The following WWP1 variants were observed in gnomAD, a reference collection of about 807,000 sequenced individuals.
WWP1 encodes the protein NEDD4-like E3 ubiquitin-protein ligase WWP1.
In WWP1, 49 loss-of-function variants were observed where a neutral mutation model predicts 130.6. The ratio of observed to expected loss-of-function variants is 0.38; its 90% CI spans 0.30 to 0.48. The LOEUF (loss-of-function observed/expected upper bound fraction) is 0.48, where lower values mean the gene tolerates loss of function less well. WWP1 is among the 20% of genes least tolerant of loss of function. The probability of loss-of-function intolerance (pLI) is 0.99; values close to 1 mark genes in which losing one functional copy is unlikely to be tolerated. For synonymous variants in WWP1, 332 were observed against 367.8 expected (o/e 0.90, Z 1.11); for missense variants, 809 against 1,100.6 (o/e 0.74, Z 3.75).
At chr8:86,433,394 T>G (rs1423027438) in intron 14 of WWP1, among the ~76,000 whole-genome samples, 1 of 152,028 alleles carries the variant, frequency 6.6e-6, no homozygotes, top group African/African-American at 2.4e-5. Flanking sequence ...TCTCCACTTG[T>G]AACTCCTTCT....
At chr8:86,392,878 G>A (rs1807434689) in intron 5 of WWP1, among the ~76,000 whole-genome samples, 1 of 152,060 alleles carries the variant, frequency 6.6e-6, no homozygotes, top group East Asian at 1.9e-4. Flanking sequence ...ATTACTGGGA[G>A]GTAAAAGGGA....
intron 5 of WWP1, among the ~76,000 whole-genome samples, chr8:86,394,619 A>G (rs1024304865): frequency 6.6e-6 from 1 of 152,170 alleles, no homozygotes; most frequent in African/African-American, 2.4e-5. Context: ...TTCCCCATCT[A>G]CAGTGCCTGG....
chr8:86,458,766 T>C (rs1262552919), intron 22 of WWP1, among the ~76,000 whole-genome samples: 4 of 152,198 alleles, frequency 2.6e-5, no homozygotes, highest in Non-Finnish European at 1.5e-5. Context: ...TTGCATCTTT[T>C]CATAAGGATG....
chr8:86,378,332 T>G (rs1323106353), intron 3 of WWP1, among the ~76,000 whole-genome samples: 1 of 152,160 alleles, frequency 6.6e-6, no homozygotes, highest in African/African-American at 2.4e-5. Context: ...CATATCATTT[T>G]TTTTAAGCCT....
At chr8:86,453,648 C>T (rs1811290151) in intron 21 of WWP1, among the ~76,000 whole-genome samples, 1 of 152,104 alleles carries the variant, frequency 6.6e-6, no homozygotes, top group Non-Finnish European at 1.5e-5. Context: ...ATTTTACATT[C>T]CTATTAAACA....
At chr8:86,382,934 G>T (rs962249047) in intron 5 of WWP1, among the ~76,000 whole-genome samples, 11 of 152,190 alleles carry the variant, frequency 7.2e-5, no homozygotes, top group African/African-American at 2.4e-4. Context: ...ATGAAATGCT[G>T]ATGATGAAAA....
At chr8:86,407,698 G>T (rs1318040223) in intron 8 of WWP1, among the ~76,000 whole-genome samples, 2 of 152,122 alleles carry the variant, frequency 1.3e-5, no homozygotes, top group Non-Finnish European at 2.9e-5. Context: ...TTATTGAATA[G>T]AAATAATTTG....
chr8:86,387,728 T>C (rs1166449268), intron 5 of WWP1, among the ~76,000 whole-genome samples: 3 of 152,148 alleles, frequency 2.0e-5, no homozygotes, highest in Non-Finnish European at 4.4e-5. Flanking sequence ...TTCACCATGT[T>C]AGCCAGACTG....
In WWP1 at chr8:86,444,991, G is replaced by A. The variant is rs150447303; in HGVS notation, c.1998+2213G>A. Among the ~76,000 whole-genome samples the A allele has an allele frequency of 9.9e-3, 1,506 of 152,186 alleles. 28 individuals are homozygous for A. The highest frequency in any genetic ancestry group is 0.035 in the African/African-American group (1,435 of 41,528). ...GTACAAGAAGCATGGTGCCAGCATC[G>A]TCTTCTGGTGAGGGCCTCAGGCTGC... On this transcript the variant is annotated intron_variant, in intron 18 of 24. Coordinates refer to ENST00000517970, the MANE Select transcript of WWP1 (RefSeq NM_007013.4).
intron 9 of WWP1, among the ~76,000 whole-genome samples, chr8:86,414,018 C>G (rs181609283): frequency 1.6e-4 from 25 of 152,268 alleles, no homozygotes; most frequent in Admixed American, 2.6e-4. Context: ...AATGCTTCAG[C>G]AGACTTGTTG....
intron 1 of WWP1, among the ~76,000 whole-genome samples, chr8:86,347,550 C>A (rs570729517): frequency 6.6e-6 from 1 of 152,262 alleles, no homozygotes; most frequent in South Asian, 2.1e-4. Flanking sequence ...GTAAACTTGT[C>A]AGTTTTTTCC....
At chr8:86,446,132 C>G (rs1810861169) in intron 18 of WWP1, among the ~76,000 whole-genome samples, 2 of 148,832 alleles carry the variant, frequency 1.3e-5, no homozygotes, top group South Asian at 4.2e-4. Context: ...CAGGCACGCA[C>G]CACCACACTC....
intron 14 of WWP1, among the ~76,000 whole-genome samples, chr8:86,435,049 T>C (rs1810213670): frequency 6.6e-6 from 1 of 152,230 alleles, no homozygotes; most frequent in African/African-American, 2.4e-5. Flanking sequence ...GCTTTGCTTA[T>C]TATCTCCAGG....
intron 11 of WWP1, 39 bp downstream of exon 11, chr8:86,427,856 C>T: frequency 3.9e-6 from 6 of 1,557,632 alleles, no homozygotes; most frequent in Non-Finnish European, 5.2e-6. Flanking sequence ...TAACTTCCTC[C>T]CTCAGGTGTT....
rs934394916 is a variant in WWP1 at position 86,438,527 on chromosome 8, T to C, written c.1750-58T>C. 4.6e-6 allele frequency: 6 copies of C among 1,292,220 alleles called. No homozygotes were observed. In the Admixed American group the frequency reaches 1.0e-4, roughly 22 times the overall value. The allele number at this position is 1,292,220 out of a possible 1,614,324, so 80.0% of individuals were successfully genotyped here. A position where few individuals can be genotyped will look rare whatever the true frequency, so the allele number is the denominator to read the frequency against. On this transcript the variant is annotated intron_variant, in intron 16 of 24. Coordinates refer to ENST00000517970, the MANE Select transcript of WWP1 (RefSeq NM_007013.4). Reference sequence around the variant, plus strand: ...AATAGAGATTAAATTTAAATTGTTTTGAAAGGAACTTGTACTGCATGTGAG... The same window carrying C: ...AATAGAGATTAAATTTAAATTGTTTCGAAAGGAACTTGTACTGCATGTGAG...
At chr8:86,445,413 T>C (rs941462433) in intron 18 of WWP1, among the ~76,000 whole-genome samples, 1 of 152,168 alleles carries the variant, frequency 6.6e-6, no homozygotes, top group Non-Finnish European at 1.5e-5. Flanking sequence ...TGCCCAATGC[T>C]GAGCTCCCAC....
Position 86,411,525 on chromosome 8 carries a change from T to G in WWP1, c.725-13T>G. On this transcript the variant is annotated splice_polypyrimidine_tract_variant and intron_variant, in intron 8 of 24. Transcript: ENST00000517970. ...TTACTTGATAGATGATTTTATTAAT[T>G]TTCCCTTCTCAGTTAATGGAGAATC... 7 of 1,599,616 alleles carry G rather than the reference T, an allele frequency of 4.4e-6. No homozygotes were observed. The highest frequency in any genetic ancestry group is 6.0e-6 in the Non-Finnish European group (7 of 1,171,084).
At chr8:86,375,683 A>C (rs978947740) in intron 3 of WWP1, among the ~76,000 whole-genome samples, 5 of 152,194 alleles carry the variant, frequency 3.3e-5, no homozygotes, top group Non-Finnish European at 7.3e-5. Context: ...TTTGCTGGAC[A>C]TTGGCGTTCC....
Position 86,411,732 on chromosome 8 carries a change from G to A in WWP1, c.919G>A (p.Ala307Thr), listed in dbSNP as rs1384180607. ...PSTSAELESE[A>T]RSILEPDTSN... ...TACCAGTGCAGAATTGGAATCTGAA[G>A]CTAGAAGTATATTAGAGCCTGACAC... is the stretch of plus-strand genomic sequence containing the variant. Residue 307 changes from alanine (A) to threonine (T), a missense_variant, in exon 9 of 25, where the codon GCT becomes ACT. By Grantham distance (58) the Ala-to-Thr change is moderately conservative (BLOSUM62 0). Around this residue, in one of 3 missense-constraint regions of WWP1, gnomAD observed 97 missense variants for 80.4 expected, o/e 1.21. Transcript: ENST00000517970. 2.5e-6 allele frequency: 4 copies of A among 1,614,170 alleles called. No individual in the cohort carries two copies. The highest frequency in any genetic ancestry group is 3.4e-6 in the Non-Finnish European group (4 of 1,180,030).
Sources: allele counts gnomAD v4.1 joint callset (sites outside exome capture counted in the v4.1 genomes callset), GRCh38; gene constraint gnomAD v4.1.1; regional missense constraint gnomAD v4.1.1; transcripts MANE v1.5; gene names NCBI Gene and HGNC (gene_info 2026-07-23, HGNC 2026-07-21).